Variants in LRRC4C observed in about 807,000 individuals in gnomAD.
LRRC4C encodes leucine-rich repeat-containing protein 4C.
LRRC4C carries 5 observed loss-of-function variants against 33.6 expected under a neutral mutation model. That is an observed-to-expected ratio of 0.15 (90% CI 0.08 to 0.31). The LOEUF (loss-of-function observed/expected upper bound fraction) is 0.31. Among genes scored for constraint, LRRC4C ranks in the 10% least tolerant of loss-of-function variants. The probability of loss-of-function intolerance (pLI) is 1.00; values close to 1 mark genes in which losing one functional copy is unlikely to be tolerated. For synonymous variants in LRRC4C, 329 were observed against 302.0 expected (o/e 1.09, Z -0.93); for missense variants, 560 against 796.7 (o/e 0.70, Z 3.58).
intron 1 of LRRC4C, among the ~76,000 whole-genome samples, chr11:41,015,563 C>T (rs1188048283): frequency 2.0e-5 from 3 of 152,100 alleles, no homozygotes; most frequent in Non-Finnish European, 4.4e-5. Flanking sequence ...ATCCACCTGC[C>T]TAGGCCTCCC....
chr11:40,683,800 C>G (rs1002442446), intron 2 of LRRC4C, among the ~76,000 whole-genome samples: 2 of 152,182 alleles, frequency 1.3e-5, no homozygotes, highest in Non-Finnish European at 2.9e-5. Context: ...GAAAAATCCA[C>G]CCACCAGTAC....
chr11:41,289,441 A>T, intron 1 of LRRC4C, among the ~76,000 whole-genome samples: 1 of 152,186 alleles, frequency 6.6e-6, no homozygotes, highest in East Asian at 1.9e-4. Flanking sequence ...CTGTATTTGG[A>T]GACAGGACCT....
chr11:40,593,355 C>T (rs186358992), intron 3 of LRRC4C, among the ~76,000 whole-genome samples: 56 of 152,204 alleles, frequency 3.7e-4, no homozygotes, highest in Admixed American at 3.3e-3. Context: ...TTTTCTCTGT[C>T]CCTTACACAC....
chr11:41,369,284 A>G lies in LRRC4C; in HGVS notation c.-496+90147T>C, dbSNP rs73469944. ...GAAGAACATTATGCCCAACTTGGTC[A>G]TGGAAATGAATAGATATAGAAAGAT... On this transcript the variant is annotated intron_variant, in intron 1 of 6. Transcript: ENST00000528697. Among the ~76,000 whole-genome samples, 687 of 152,282 alleles carry G rather than the reference A, an allele frequency of 4.5e-3. 6 individuals are homozygous for G. The highest frequency in any genetic ancestry group is 0.016 in the African/African-American group (648 of 41,554).
chr11:41,083,032 G>A (rs1434071090), intron 1 of LRRC4C, among the ~76,000 whole-genome samples: 1 of 152,042 alleles, frequency 6.6e-6, no homozygotes, highest in East Asian at 1.9e-4. Flanking sequence ...TAAAGCGCTA[G>A]AGAGAAGCCC....
chr11:41,392,742 T>C (rs1022562213), intron 1 of LRRC4C, among the ~76,000 whole-genome samples: 2 of 151,708 alleles, frequency 1.3e-5, no homozygotes, highest in Admixed American at 6.6e-5. Flanking sequence ...AGACATGTGA[T>C]AATGAGTGCA....
intron 1 of LRRC4C, among the ~76,000 whole-genome samples, chr11:41,297,558 A>C (rs1180836808): frequency 6.6e-6 from 1 of 152,178 alleles, no homozygotes; most frequent in East Asian, 1.9e-4. Flanking sequence ...TTTTTGGCAA[A>C]AACAAACATT....
At chr11:40,411,147 T>TC in intron 3 of LRRC4C, among the ~76,000 whole-genome samples, 1 of 152,202 alleles carries the variant, frequency 6.6e-6, no homozygotes, top group African/African-American at 2.4e-5. Flanking sequence ...TAATATTGAC[T>TC]AAAAATTATA....
At chr11:40,883,526 CCATT>C (rs1344216947) in intron 2 of LRRC4C, among the ~76,000 whole-genome samples, 4 of 151,984 alleles carry the variant, frequency 2.6e-5, no homozygotes, top group African/African-American at 9.7e-5. Flanking sequence ...GGTGCAATTG[CCATT>C]CAAACACCAA....
At chr11:40,497,891 C>A (rs142808518) in intron 3 of LRRC4C, among the ~76,000 whole-genome samples, 2 of 152,128 alleles carry the variant, frequency 1.3e-5, no homozygotes, top group East Asian at 1.9e-4. Context: ...GAATACAACC[C>A]CTAAAAAATC....
chr11:41,417,309 G>A (rs1181048616), intron 1 of LRRC4C, among the ~76,000 whole-genome samples: 1 of 152,084 alleles, frequency 6.6e-6, no homozygotes, highest in Non-Finnish European at 1.5e-5. Context: ...ATCAGCCATA[G>A]GGCCCTGAGA....
intron 1 of LRRC4C, among the ~76,000 whole-genome samples, chr11:41,424,278 A>C (rs978631059): frequency 6.6e-6 from 1 of 152,072 alleles, no homozygotes; most frequent in African/African-American, 2.4e-5. Context: ...ATAGACATAA[A>C]TAATCTGGGA....
chr11:40,530,028 C>CACTTAAAGTGTGCTTTCTGACATGCTGAA (rs1956211272), intron 3 of LRRC4C, among the ~76,000 whole-genome samples: 1 of 152,082 alleles, frequency 6.6e-6, no homozygotes, highest in Non-Finnish European at 1.5e-5. Flanking sequence ...AAACCAAAGA[C>CACTTAAAGTGTGCTTTCTGACATGCTGAA]ACTTAAAGTG....
chr11:41,313,655 A>G (rs550491043), intron 1 of LRRC4C, among the ~76,000 whole-genome samples: 1 of 152,350 alleles, frequency 6.6e-6, no homozygotes, highest in South Asian at 2.1e-4. Context: ...CGGACCTATT[A>G]ATATTACCAT....
chr11:41,308,278 G>A (rs961337171), intron 1 of LRRC4C, among the ~76,000 whole-genome samples: 12 of 151,628 alleles, frequency 7.9e-5, no homozygotes, highest in Admixed American at 1.3e-4. Context: ...CATACATTCT[G>A]GGGGCTTATG....
At chr11:41,389,402 A>G (rs542151404) in intron 1 of LRRC4C, among the ~76,000 whole-genome samples, 1 of 151,856 alleles carries the variant, frequency 6.6e-6, no homozygotes, top group South Asian at 2.1e-4. Flanking sequence ...GAAGTGGAAG[A>G]ATCTGGAACA....
chr11:40,201,297 GT>G (rs948925393), intron 5 of LRRC4C, among the ~76,000 whole-genome samples: 6 of 152,014 alleles, frequency 3.9e-5, no homozygotes, highest in East Asian at 1.9e-4. Context: ...TGGATTCCCT[GT>G]TTTTTTGTCT....
rs61877289 is a variant in LRRC4C at position 41,305,365 on chromosome 11, T to G, written c.-496+154066A>C. On this transcript the variant is annotated intron_variant, in intron 1 of 6. Coordinates refer to ENST00000528697, the MANE Select transcript of LRRC4C (RefSeq NM_001258419.2). ...CCGGCCGTCCCTACTGGGAAGTGAG[T>G]AGCCCCTCTGCCCGGCCACCACCCC... 4.0e-5 allele frequency among the ~76,000 whole-genome samples: 2 copies of G among 50,528 alleles called. 1 individual carries two copies. Among genetic ancestry groups the G allele is most frequent in the Non-Finnish European group, 1.1e-4 (2 of 17,778 alleles). The allele number at this position is 50,528 out of a possible 152,430, so 33.1% of individuals were successfully genotyped here.
At chr11:41,388,787 A>T (rs1953464018) in intron 1 of LRRC4C, among the ~76,000 whole-genome samples, 1 of 151,928 alleles carries the variant, frequency 6.6e-6, no homozygotes, top group South Asian at 2.1e-4. Context: ...GGTTCTTACC[A>T]GTTAGTGCCT....
Sources: allele counts gnomAD v4.1 joint callset (sites outside exome capture counted in the v4.1 genomes callset), GRCh38; gene constraint gnomAD v4.1.1; transcripts MANE v1.5; gene names NCBI Gene and HGNC (gene_info 2026-07-23, HGNC 2026-07-21).